The following TENM2 variants were observed in gnomAD, a reference collection of about 807,000 sequenced individuals.
TENM2 encodes the protein teneurin transmembrane protein 2.
A neutral mutation model predicts 245.2 loss-of-function variants in TENM2; 52 were observed. The ratio of observed to expected loss-of-function variants is 0.21; its 90% CI spans 0.17 to 0.27. The LOEUF (loss-of-function observed/expected upper bound fraction) is 0.27, where lower values mean the gene tolerates loss of function less well. Ranked by LOEUF, TENM2 falls within the 10% of genes least tolerant of loss-of-function variation. The pLI is 1.00. For synonymous variants in TENM2, 1,363 were observed against 1,438.9 expected, an observed-to-expected ratio of 0.95 and a Z score of 1.19; for missense variants, 3,046 against 3,666.8, an observed-to-expected ratio of 0.83 and a Z score of 4.37.
At chr5:168,129,151 C>T (rs1013199505) in intron 12 of TENM2, 6 of 152,056 alleles carry the variant, frequency 3.9e-5, no homozygotes, top group Admixed American at 1.3e-4. Flanking sequence ...GAAATGCTTC[C>T]GGGGCCCTTG....
At chr5:168,026,294 A>T (rs1326060904) in intron 5 of TENM2, among the ~76,000 whole-genome samples, 2 of 152,174 alleles carry the variant, frequency 1.3e-5, no homozygotes, top group African/African-American at 4.8e-5. Flanking sequence ...TGACGTGAGG[A>T]TTAGCAATTA....
chr5:167,638,938 C>T (rs1249500987), intron 2 of TENM2, among the ~76,000 whole-genome samples: 2 of 152,224 alleles, frequency 1.3e-5, no homozygotes, highest in East Asian at 3.8e-4. Context: ...TAACACTTGT[C>T]TCTCAGAAAA....
intron 2 of TENM2, among the ~76,000 whole-genome samples, chr5:167,486,326 CTTTT>C (rs546349438): frequency 2.1e-5 from 3 of 140,598 alleles, no homozygotes; most frequent in Non-Finnish European, 4.7e-5. Context: ...TTTTTCTTTT[CTTTT>C]TTTTTTTTTT....
chr5:167,044,504 C>G, the TENM2 span, among the ~76,000 whole-genome samples: 1 of 152,116 alleles, frequency 6.6e-6, no homozygotes, highest in Non-Finnish European at 1.5e-5. Flanking sequence ...GGTTAGCAAT[C>G]CAGGTTAAGA....
intron 2 of TENM2, among the ~76,000 whole-genome samples, chr5:167,635,694 G>A (rs969205900): frequency 1.5e-5 from 2 of 136,400 alleles, no homozygotes; most frequent in Non-Finnish European, 3.0e-5. Context: ...GCCCAGGATG[G>A]AGTGCAATGG....
At chr5:167,311,528 G>A (rs143034645) in intron 1 of TENM2, among the ~76,000 whole-genome samples, 2,577 of 152,170 alleles carry the variant, frequency 0.017, 37 homozygotes, top group Non-Finnish European at 0.025. Context: ...CAATGATGTG[G>A]CATTGTCATA....
chr5:167,062,990 C>A, the TENM2 span, among the ~76,000 whole-genome samples: 999 of 152,238 alleles, frequency 6.6e-3, 17 homozygotes, highest in African/African-American at 0.023. Flanking sequence ...AAGTCAGACC[C>A]CCTTCTAGTC....
intron 4 of TENM2, among the ~76,000 whole-genome samples, chr5:167,986,984 G>A (rs941909226): frequency 6.6e-6 from 1 of 152,090 alleles, no homozygotes; most frequent in Non-Finnish European, 1.5e-5. Context: ...TCAACTTTTT[G>A]TTATGAAAAA....
At chr5:167,591,319 A>G (rs1227903763) in intron 2 of TENM2, among the ~76,000 whole-genome samples, 1 of 152,234 alleles carries the variant, frequency 6.6e-6, no homozygotes, top group African/African-American at 2.4e-5. Flanking sequence ...GATTTAATGT[A>G]TGACATAAAC....
the TENM2 span, among the ~76,000 whole-genome samples, chr5:167,003,642 CT>C: frequency 3.3e-5 from 5 of 152,028 alleles, no homozygotes; most frequent in Admixed American, 3.3e-4. Flanking sequence ...TAAAGTCGAA[CT>C]TTTTTTCTTT....
intron 2 of TENM2, among the ~76,000 whole-genome samples, chr5:167,683,602 G>A (rs1756882575): frequency 6.6e-6 from 1 of 152,118 alleles, no homozygotes; most frequent in Admixed American, 6.6e-5. Context: ...TTTTCTCCAT[G>A]CCCCAAATAG....
chr5:167,727,729 T>G (rs1319904792), intron 2 of TENM2, among the ~76,000 whole-genome samples: 1 of 152,244 alleles, frequency 6.6e-6, no homozygotes, highest in African/African-American at 2.4e-5. Context: ...AAAAGTTATT[T>G]ATTTACTACA....
chr5:167,279,168 G>A, the TENM2 span, among the ~76,000 whole-genome samples: 2 of 152,106 alleles, frequency 1.3e-5, no homozygotes, highest in East Asian at 1.9e-4. Flanking sequence ...TGCCCCTATC[G>A]ATCAGTTGTA....
chr5:167,116,697 A>G, the TENM2 span: 2 of 143,236 alleles, frequency 1.4e-5, no homozygotes, highest in African/African-American at 2.6e-5. Context: ...TCAGTCCTGG[A>G]AAAAAAAAAA....
chr5:167,032,053 A>C, the TENM2 span, among the ~76,000 whole-genome samples: 1 of 152,132 alleles, frequency 6.6e-6, no homozygotes, highest in African/African-American at 2.4e-5. Flanking sequence ...CTTTGCGGCT[A>C]ATGTTTTTTC....
intron 12 of TENM2, among the ~76,000 whole-genome samples, chr5:168,138,398 T>G (rs1330333072): frequency 6.6e-6 from 1 of 152,264 alleles, no homozygotes; most frequent in Non-Finnish European, 1.5e-5. Context: ...CACTTTCATA[T>G]CTTTACTGTA....
chr5:167,151,824 C>T, the TENM2 span, among the ~76,000 whole-genome samples: 1 of 152,174 alleles, frequency 6.6e-6, no homozygotes, highest in Non-Finnish European at 1.5e-5. Flanking sequence ...GCCTGCTTTT[C>T]TTCTTAAAAA....
the TENM2 span, among the ~76,000 whole-genome samples, chr5:167,223,331 C>T: frequency 1.3e-5 from 2 of 151,960 alleles, no homozygotes; most frequent in African/African-American, 4.8e-5. Context: ...GGTTAACTCC[C>T]CCGACCCCCA....
chr5:167,528,003 A>T (rs1455594222), intron 2 of TENM2, among the ~76,000 whole-genome samples: 1 of 152,176 alleles, frequency 6.6e-6, no homozygotes, highest in Non-Finnish European at 1.5e-5. Context: ...CAAGTCCATT[A>T]AATTCTTTTT....
Sources: allele counts gnomAD v4.1 joint callset (sites outside exome capture counted in the v4.1 genomes callset), GRCh38; gene constraint gnomAD v4.1.1; transcripts MANE v1.5; gene names NCBI Gene and HGNC (gene_info 2026-07-23, HGNC 2026-07-21).